GPC6: variants seen among roughly 807,000 people sequenced by gnomAD.
GPC6 encodes the protein glypican-6.
A neutral mutation model predicts 55.2 loss-of-function variants in GPC6; 14 were observed. The ratio of observed to expected loss-of-function variants is 0.25; its 90% CI spans 0.17 to 0.40. GPC6 has a LOEUF of 0.40. Among genes scored for constraint, GPC6 ranks in the 10% least tolerant of loss-of-function variants. GPC6 has a pLI of 1.00. For synonymous variants in GPC6, 278 were observed against 259.6 expected, an observed-to-expected ratio of 1.07 and a Z score of -0.68; for missense variants, 641 against 708.5, an observed-to-expected ratio of 0.90 and a Z score of 1.08.
chr13:94,180,053 G>A (rs1888932115), intron 4 of GPC6, among the ~76,000 whole-genome samples: 1 of 152,128 alleles, frequency 6.6e-6, no homozygotes, highest in South Asian at 2.1e-4. Flanking sequence ...AGGCACAGGG[G>A]GAGGAGGATG....
At chr13:93,503,405 C>A (rs1323120484) in intron 1 of GPC6, among the ~76,000 whole-genome samples, 1 of 152,154 alleles carries the variant, frequency 6.6e-6, no homozygotes, top group Non-Finnish European at 1.5e-5. Flanking sequence ...AGCCAAAGGG[C>A]AACATTGAGC....
chr13:93,290,215 T>G (rs1355933396), intron 1 of GPC6, among the ~76,000 whole-genome samples: 1 of 152,134 alleles, frequency 6.6e-6, no homozygotes, highest in Non-Finnish European at 1.5e-5. Flanking sequence ...CTGTGACTTT[T>G]TTAAACCATG....
At chr13:94,257,634 T>C (rs891940054) in intron 4 of GPC6, among the ~76,000 whole-genome samples, 1 of 152,162 alleles carries the variant, frequency 6.6e-6, no homozygotes, top group Non-Finnish European at 1.5e-5. Context: ...GATCTGCAAA[T>C]TGAGGAACAC....
intron 1 of GPC6, among the ~76,000 whole-genome samples, chr13:93,319,623 A>G (rs1275002555): frequency 6.6e-6 from 1 of 152,284 alleles, no homozygotes; most frequent in African/African-American, 2.4e-5. Context: ...TATAGTATCC[A>G]GCTTACACTG....
At chr13:93,331,552 T>A (rs1180708833) in intron 1 of GPC6, among the ~76,000 whole-genome samples, 1 of 152,178 alleles carries the variant, frequency 6.6e-6, no homozygotes, top group African/African-American at 2.4e-5. Flanking sequence ...TATAAGCATA[T>A]GCATATCTGG....
intron 1 of GPC6, among the ~76,000 whole-genome samples, chr13:93,347,361 T>A (rs1880466861): frequency 6.6e-6 from 1 of 152,186 alleles, no homozygotes; most frequent in Non-Finnish European, 1.5e-5. Context: ...CTTCCTGATG[T>A]TGCAAGATAT....
chr13:93,755,901 T>TTTA (rs2138869186), intron 2 of GPC6, among the ~76,000 whole-genome samples: 1 of 152,330 alleles, frequency 6.6e-6, no homozygotes, highest in East Asian at 1.9e-4. Flanking sequence ...AGAATTTCAC[T>TTTA]TTATAGAGTC....
chr13:93,551,144 G>T (rs1428872840), intron 2 of GPC6, among the ~76,000 whole-genome samples: 6 of 152,080 alleles, frequency 3.9e-5, no homozygotes, highest in Non-Finnish European at 8.8e-5. Context: ...ATGAATCAAA[G>T]ATTTTGTATG....
At chr13:94,376,330 T>C (rs1301891607) in intron 6 of GPC6, among the ~76,000 whole-genome samples, 1 of 146,098 alleles carries the variant, frequency 6.8e-6, no homozygotes, top group African/African-American at 2.6e-5. Flanking sequence ...CTCCTTAAGC[T>C]GATAAGCAAC....
At position 93,433,781 on chromosome 13, in the gene GPC6, T is replaced by C. The variant is rs545243387; in HGVS notation, c.161-111482T>C. 4.6e-5 allele frequency among the ~76,000 whole-genome samples: 7 copies of C among 152,210 alleles called. No individual in the cohort carries two copies. In the South Asian group the frequency reaches 1.2e-3, roughly 27 times the overall value. On this transcript the variant is annotated intron_variant, in intron 1 of 8. Coordinates refer to ENST00000377047, the MANE Select transcript of GPC6 (RefSeq NM_005708.5). ...AGGGGTTGGTGGAGGAAAACCGTAA[T>C]CATAACATAGTCTTTGCCTTACCAA...
At chr13:94,187,497 C>T (rs1414592074) in intron 4 of GPC6, 1 of 152,144 alleles carries the variant, frequency 6.6e-6, no homozygotes, top group East Asian at 1.9e-4. Flanking sequence ...CTTTTAAAAT[C>T]GTGTCACTTG....
intron 1 of GPC6, among the ~76,000 whole-genome samples, chr13:93,404,372 A>G (rs1876207587): frequency 6.6e-6 from 1 of 152,150 alleles, no homozygotes. Flanking sequence ...GTAAATTCTG[A>G]ACTAGGCTTT....
In GPC6 at chr13:94,252,278, C is replaced by G. The variant is rs117496235; in HGVS notation, c.878-34071C>G. On this transcript the variant is annotated intron_variant, in intron 4 of 8. Transcript: ENST00000377047. ...GAATGTGTCCTTTATGAGTTCTTTG[C>G]AAAGCCCTCCATACTGGCTGCTAAA... Among the ~76,000 whole-genome samples, 1,271 of 152,234 alleles carry G rather than the reference C, an allele frequency of 8.3e-3. 10 individuals carry two copies. Among genetic ancestry groups the G allele is most frequent in the Non-Finnish European group, 0.013 (895 of 68,002 alleles).
chr13:93,672,671 A>C (rs1258473680), intron 2 of GPC6, among the ~76,000 whole-genome samples: 5 of 150,820 alleles, frequency 3.3e-5, no homozygotes, highest in Non-Finnish European at 7.4e-5. Context: ...ATATATATAC[A>C]CACACAAACA....
At position 93,435,788 on chromosome 13, in the gene GPC6, G is replaced by A. The variant is rs114378514; in HGVS notation, c.161-109475G>A. Among the ~76,000 whole-genome samples, 698 of 152,228 alleles carry A rather than the reference G, an allele frequency of 4.6e-3. 7 individuals are homozygous for A. The highest frequency in any genetic ancestry group is 0.016 in the African/African-American group (655 of 41,540). ...AGCTATAAAGGCAAGGCAGATGCAA[G>A]GATCAAATACGGAAATTTTCAGCTG... is the stretch of plus-strand genomic sequence containing the variant. On this transcript the variant is annotated intron_variant, in intron 1 of 8. Coordinates refer to ENST00000377047, the MANE Select transcript of GPC6 (RefSeq NM_005708.5).
intron 6 of GPC6, among the ~76,000 whole-genome samples, chr13:94,360,644 G>A (rs1879017930): frequency 6.6e-6 from 1 of 152,152 alleles, no homozygotes; most frequent in Non-Finnish European, 1.5e-5. Context: ...GTTGGAGAAG[G>A]TCTAGAACAT....
At chr13:93,354,517 TTA>T (rs199826161) in intron 1 of GPC6, among the ~76,000 whole-genome samples, 14,894 of 116,658 alleles carry the variant, frequency 0.13, 1,123 homozygotes, top group African/African-American at 0.26. Flanking sequence ...CACTCGGCTA[TTA>T]TTTTTTTTTT....
chr13:94,140,000 C>G (rs61962333), intron 4 of GPC6, among the ~76,000 whole-genome samples: 26,566 of 151,668 alleles, frequency 0.18, 2,744 homozygotes, highest in Non-Finnish European at 0.23. Flanking sequence ...TTTATATTTT[C>G]ATTCATTATA....
At chr13:93,960,551 C>T (rs55966769) in intron 3 of GPC6, among the ~76,000 whole-genome samples, 3,316 of 152,230 alleles carry the variant, frequency 0.022, 96 homozygotes, top group East Asian at 0.12. Context: ...GGAATGAATG[C>T]AACAAAAATG....
Sources: allele counts gnomAD v4.1 joint callset (sites outside exome capture counted in the v4.1 genomes callset), GRCh38; gene constraint gnomAD v4.1.1; transcripts MANE v1.5; gene names NCBI Gene and HGNC (gene_info 2026-07-23, HGNC 2026-07-21).